RSU1: variants seen among roughly 807,000 people sequenced by gnomAD.
RSU1 encodes Ras suppressor protein 1.
RSU1 carries 26 observed loss-of-function variants against 31.1 expected under a neutral mutation model. The observed-to-expected ratio is 0.84, with a 90% CI of 0.61 to 1.16. RSU1 has a LOEUF of 1.16. Ranked by LOEUF, RSU1 falls within the 50% of genes most tolerant of loss-of-function variation. RSU1 has a pLI of 0.00. For missense variants in RSU1, 320 were observed against 339.1 expected (o/e 0.94, Z 0.44); for synonymous variants, 164 against 136.3 (o/e 1.20, Z -1.41).
chr10:16,777,189 C>A (rs770099895), intron 3 of RSU1, among the ~76,000 whole-genome samples: 5 of 151,938 alleles, frequency 3.3e-5, no homozygotes, highest in African/African-American at 7.3e-5. Context: ...ACAAAATACA[C>A]ATTTTCCTGA....
chr10:16,705,038 TC>T (rs1288098823), intron 7 of RSU1, among the ~76,000 whole-genome samples: 7 of 152,294 alleles, frequency 4.6e-5, no homozygotes, highest in African/African-American at 1.7e-4. Flanking sequence ...ATTTCTCCTT[TC>T]CCTTATCTCT....
Position 16,699,822 on chromosome 10 carries a change from C to T in RSU1, c.599-4667G>A, listed in dbSNP as rs538586380. Among the ~76,000 whole-genome samples, 18 of 152,366 alleles carry T rather than the reference C, an allele frequency of 1.2e-4. No homozygotes were observed. The South Asian group carries it at 3.5e-3, about 30-fold the overall frequency. ...GCCGTGATTAGCAGTGACCCTCTGA[C>T]CGATGCTGCTATGAAGATCGTATAT... On this transcript the variant is annotated intron_variant, in intron 7 of 8. Coordinates refer to ENST00000345264, the MANE Select transcript of RSU1 (RefSeq NM_012425.4).
chr10:16,762,935 C>A (rs1210357266), intron 4 of RSU1, among the ~76,000 whole-genome samples: 2 of 151,714 alleles, frequency 1.3e-5, no homozygotes, highest in Non-Finnish European at 2.9e-5. Context: ...ATCGCTTGAA[C>A]CCAGGAGGCG....
At chr10:16,756,831 G>C (rs1054405466) in intron 4 of RSU1, among the ~76,000 whole-genome samples, 1 of 148,406 alleles carries the variant, frequency 6.7e-6, no homozygotes, top group East Asian at 2.0e-4. Context: ...TGTGTGCTGT[G>C]TGTGTGTGGT....
intron 2 of RSU1, among the ~76,000 whole-genome samples, chr10:16,795,629 G>C (rs1214840172): frequency 6.6e-6 from 1 of 152,144 alleles, no homozygotes; most frequent in Non-Finnish European, 1.5e-5. Flanking sequence ...ACAAGAAGCT[G>C]ATTAATTCTG....
intron 7 of RSU1, among the ~76,000 whole-genome samples, chr10:16,747,815 TC>T (rs1190272160): frequency 6.6e-6 from 1 of 152,174 alleles, no homozygotes; most frequent in African/African-American, 2.4e-5. Flanking sequence ...GGAGGATCAC[TC>T]AAGCACAGGA....
At chr10:16,618,798 GA>G (rs1237450028) in intron 8 of RSU1, among the ~76,000 whole-genome samples, 1 of 152,134 alleles carries the variant, frequency 6.6e-6, no homozygotes, top group East Asian at 1.9e-4. Flanking sequence ...AAGACACAGG[GA>G]GGGGAACTCA....
intron 8 of RSU1, among the ~76,000 whole-genome samples, chr10:16,608,600 C>T (rs1413233961): frequency 6.6e-6 from 1 of 152,066 alleles, no homozygotes; most frequent in East Asian, 1.9e-4. Context: ...CTCATTTCTG[C>T]TGGTGTGCAG....
chr10:16,653,281 T>A (rs955456922), intron 8 of RSU1, among the ~76,000 whole-genome samples: 3 of 152,218 alleles, frequency 2.0e-5, no homozygotes, highest in Non-Finnish European at 4.4e-5. Flanking sequence ...TGATGAAATA[T>A]ACAGAACAGT....
chr10:16,635,542 G>GAT (rs758666954), intron 8 of RSU1, among the ~76,000 whole-genome samples: 5 of 152,128 alleles, frequency 3.3e-5, no homozygotes, highest in Admixed American at 6.5e-5. Context: ...CTCTGGCCAA[G>GAT]GCCAGTCCCT....
chr10:16,678,798 TTAC>T (rs1310535944), intron 8 of RSU1, among the ~76,000 whole-genome samples: 1 of 152,176 alleles, frequency 6.6e-6, no homozygotes, highest in African/African-American at 2.4e-5. Flanking sequence ...ATAACCACCA[TTAC>T]TACATTACTA....
intron 8 of RSU1, among the ~76,000 whole-genome samples, chr10:16,681,171 T>C (rs1302456044): frequency 1.3e-5 from 2 of 152,234 alleles, no homozygotes; most frequent in Non-Finnish European, 2.9e-5. Flanking sequence ...GTTGTAAATA[T>C]AACGCACAAC....
chr10:16,676,014 A>G (rs1835223805), intron 8 of RSU1, among the ~76,000 whole-genome samples: 1 of 152,226 alleles, frequency 6.6e-6, no homozygotes, highest in African/African-American at 2.4e-5. Context: ...GGCCAATCTG[A>G]TTACAGTCAG....
In RSU1 at chr10:16,758,965, G is replaced by A. The variant is rs117729719; in HGVS notation, c.282-3976C>T. The stretch of plus-strand genomic sequence containing the variant: ...TTTTTCAAATGCGTGTTGGAAGTGG[G>A]CAAATGCCTGCATATGATGGAGAAG... On this transcript the variant is annotated intron_variant, in intron 4 of 8. Coordinates refer to ENST00000345264, the MANE Select transcript of RSU1 (RefSeq NM_012425.4). 9.7e-4 allele frequency among the ~76,000 whole-genome samples: 147 copies of A among 152,262 alleles called. 1 individual carries two copies. In the East Asian group the frequency reaches 0.026, roughly 27 times the overall value.
intron 7 of RSU1, among the ~76,000 whole-genome samples, chr10:16,696,974 A>G (rs1468706488): frequency 6.6e-6 from 1 of 152,086 alleles, no homozygotes; most frequent in East Asian, 1.9e-4. Flanking sequence ...CTTGTCTTCC[A>G]TATAATTCCT....
At chr10:16,752,476 G>A in intron 7 of RSU1, 63 bp downstream of exon 7, 1 of 1,207,222 alleles carries the variant, frequency 8.3e-7, no homozygotes, top group African/African-American at 1.5e-5. Context: ...GTTCAGAATT[G>A]CTACATTAGG....
At chr10:16,814,365 T>C (rs535771676) in intron 2 of RSU1, among the ~76,000 whole-genome samples, 48 of 151,238 alleles carry the variant, frequency 3.2e-4, no homozygotes, top group African/African-American at 9.5e-4. Flanking sequence ...GGAGGATTGC[T>C]TGAGCCTGGG....
intron 7 of RSU1, among the ~76,000 whole-genome samples, chr10:16,728,905 G>A (rs1459938127): frequency 6.6e-5 from 10 of 152,188 alleles, no homozygotes; most frequent in Non-Finnish European, 1.3e-4. Flanking sequence ...GCCTCCTGAA[G>A]GAAGTGACTT....
intron 8 of RSU1, among the ~76,000 whole-genome samples, chr10:16,622,951 G>A (rs1286342551): frequency 6.6e-6 from 1 of 152,114 alleles, no homozygotes; most frequent in Non-Finnish European, 1.5e-5. Flanking sequence ...AGAGCTGCAT[G>A]TGAGACTACA....
Sources: gnomAD v4.1 joint callset for allele counts (sites outside exome capture counted in the v4.1 genomes callset) on GRCh38, gnomAD v4.1.1 for gene constraint, MANE v1.5 for transcripts, NCBI Gene and HGNC (gene_info 2026-07-23, HGNC 2026-07-21) for gene names.